Variants in NEK11 observed in about 807,000 individuals in gnomAD.
NEK11 encodes the protein serine/threonine-protein kinase Nek11.
NEK11 carries 72 observed loss-of-function variants against 80.7 expected under a neutral mutation model. The ratio of observed to expected loss-of-function variants is 0.89; its 90% CI spans 0.74 to 1.08. The LOEUF (loss-of-function observed/expected upper bound fraction) is 1.08. NEK11 is among the 50% of genes least tolerant of loss of function. The pLI is 0.00. For missense variants in NEK11, 764 were observed against 763.6 expected (o/e 1.00, Z -0.01); for synonymous variants, 251 against 260.7 (o/e 0.96, Z 0.36).
At chr3:131,066,918 G>GT (rs1301515446) in intron 3 of NEK11, among the ~76,000 whole-genome samples, 1 of 151,206 alleles carries the variant, frequency 6.6e-6, no homozygotes, top group East Asian at 1.9e-4. Context: ...AGTGTGGTTT[G>GT]TCACTTAACA....
chr3:131,273,818 G>T (rs1033169340), intron 17 of NEK11, among the ~76,000 whole-genome samples: 1 of 152,160 alleles, frequency 6.6e-6, no homozygotes, highest in Non-Finnish European at 1.5e-5. Context: ...TAGTATTCTT[G>T]CAGCACAGCA....
At chr3:131,048,253 C>A (rs1235298080) in intron 3 of NEK11, among the ~76,000 whole-genome samples, 2 of 152,188 alleles carry the variant, frequency 1.3e-5, no homozygotes, top group African/African-American at 4.8e-5. Context: ...TCCCCACCTG[C>A]CGCAGCTTCT....
chr3:131,031,169 C>A (rs2064786999), intron 3 of NEK11, among the ~76,000 whole-genome samples: 1 of 152,142 alleles, frequency 6.6e-6, no homozygotes, highest in Non-Finnish European at 1.5e-5. Context: ...AAAACTCAAT[C>A]TTTTAAATGG....
intron 7 of NEK11, among the ~76,000 whole-genome samples, chr3:131,138,830 G>T (rs1041354673): frequency 2.0e-5 from 3 of 152,180 alleles, no homozygotes; most frequent in Admixed American, 2.0e-4. Flanking sequence ...TGGGCTTGGG[G>T]TGGCCCCAAT....
intron 10 of NEK11, among the ~76,000 whole-genome samples, chr3:131,156,532 C>T (rs1400381788): frequency 2.0e-5 from 3 of 152,212 alleles, no homozygotes; most frequent in Non-Finnish European, 4.4e-5. Flanking sequence ...AGTCGGCCAT[C>T]TTGCCCCTTC....
At chr3:131,349,304 G>A (rs1438524376) in intron 17 of NEK11, among the ~76,000 whole-genome samples, 2 of 152,032 alleles carry the variant, frequency 1.3e-5, no homozygotes, top group Admixed American at 6.6e-5. Flanking sequence ...ACACACAAGG[G>A]CAGGACTTTG....
chr3:131,062,735 G>A (rs1307666271), intron 3 of NEK11, among the ~76,000 whole-genome samples: 4 of 152,192 alleles, frequency 2.6e-5, no homozygotes, highest in Non-Finnish European at 5.9e-5. Flanking sequence ...TAGCACCACA[G>A]CCTGATTAAA....
At chr3:131,082,216 CA>C (rs1467818453) in intron 4 of NEK11, among the ~76,000 whole-genome samples, 1 of 152,160 alleles carries the variant, frequency 6.6e-6, no homozygotes, top group Non-Finnish European at 1.5e-5. Flanking sequence ...AATATGTCAC[CA>C]ATTCGTGCAA....
intron 10 of NEK11, among the ~76,000 whole-genome samples, chr3:131,161,608 A>G (rs933973383): frequency 3.3e-5 from 5 of 152,188 alleles, no homozygotes; most frequent in African/African-American, 1.2e-4. Flanking sequence ...GCATGTTCTC[A>G]CTTATAAGTG....
intron 4 of NEK11, among the ~76,000 whole-genome samples, chr3:131,093,550 A>G (rs2077028626): frequency 6.6e-6 from 1 of 152,028 alleles, no homozygotes; most frequent in Non-Finnish European, 1.5e-5. Flanking sequence ...CTGAGTAGCT[A>G]GGATTACAGG....
At chr3:131,201,193 CTA>C (rs897070613) in intron 14 of NEK11, among the ~76,000 whole-genome samples, 12 of 145,280 alleles carry the variant, frequency 8.3e-5, no homozygotes, top group Non-Finnish European at 1.4e-4. Context: ...ATATATATAA[CTA>C]TATATATATA....
chr3:131,282,485 T>G (rs1321563637), intron 17 of NEK11, among the ~76,000 whole-genome samples: 1 of 152,216 alleles, frequency 6.6e-6, no homozygotes, highest in Non-Finnish European at 1.5e-5. Context: ...AACAGGTTTC[T>G]GTATTTTTGC....
chr3:131,037,252 T>C (rs1027886921), intron 3 of NEK11, among the ~76,000 whole-genome samples: 9 of 144,472 alleles, frequency 6.2e-5, no homozygotes, highest in African/African-American at 2.3e-4. Flanking sequence ...ACAGCTACAT[T>C]TGCACTGTAG....
chr3:131,028,404 A>G (rs2064223142), intron 2 of NEK11, among the ~76,000 whole-genome samples: 1 of 152,222 alleles, frequency 6.6e-6, no homozygotes, highest in African/African-American at 2.4e-5. Context: ...TTCAAGGTGT[A>G]GGCAGTTTTC....
chr3:131,223,607 C>A (rs1369819689), intron 14 of NEK11, among the ~76,000 whole-genome samples: 4 of 152,178 alleles, frequency 2.6e-5, no homozygotes, highest in Admixed American at 2.6e-4. Flanking sequence ...TATGTATTGT[C>A]TGTTTTCACA....
intron 14 of NEK11, among the ~76,000 whole-genome samples, chr3:131,179,831 T>C (rs2093250004): frequency 6.6e-6 from 1 of 152,200 alleles, no homozygotes; most frequent in Non-Finnish European, 1.5e-5. Flanking sequence ...ATTAATGATA[T>C]ATAATATAAT....
At chr3:131,128,548 A>G (rs2083779425) in intron 5 of NEK11, among the ~76,000 whole-genome samples, 1 of 152,238 alleles carries the variant, frequency 6.6e-6, no homozygotes, top group East Asian at 1.9e-4. Context: ...TTATTTAACC[A>G]TTCCGCTACT....
At chr3:131,232,185 G>C (rs751152650) in intron 15 of NEK11, among the ~76,000 whole-genome samples, 1 of 152,110 alleles carries the variant, frequency 6.6e-6, no homozygotes, top group Non-Finnish European at 1.5e-5. Flanking sequence ...CACTGAATTG[G>C]AGCCAGCATC....
intron 13 of NEK11, among the ~76,000 whole-genome samples, chr3:131,169,466 G>A (rs778222454): frequency 8.5e-5 from 13 of 152,146 alleles, no homozygotes; most frequent in Non-Finnish European, 1.5e-4. Context: ...TATTTTAGCA[G>A]GCATTTTCTG....
Sources: gnomAD v4.1 joint callset for allele counts (sites outside exome capture counted in the v4.1 genomes callset) on GRCh38, gnomAD v4.1.1 for gene constraint, MANE v1.5 for transcripts, NCBI Gene and HGNC (gene_info 2026-07-23, HGNC 2026-07-21) for gene names.